GRB14: variants seen among roughly 807,000 people sequenced by gnomAD.
The protein encoded by GRB14 is growth factor receptor-bound protein 14.
A neutral mutation model predicts 69.1 loss-of-function variants in GRB14; 38 were observed. The observed-to-expected ratio is 0.55, with a 90% CI of 0.42 to 0.72. GRB14 has a LOEUF of 0.72. Among genes scored for constraint, GRB14 ranks in the 30% least tolerant of loss-of-function variants. GRB14 has a pLI of 0.00. For synonymous variants in GRB14, 247 were observed against 241.3 expected (o/e 1.02, Z -0.22); for missense variants, 666 against 666.1 (o/e 1.00, Z 0.00).
intron 2 of GRB14, among the ~76,000 whole-genome samples, chr2:164,567,282 G>C (rs939531192): frequency 6.6e-6 from 1 of 152,036 alleles, no homozygotes; most frequent in Non-Finnish European, 1.5e-5. Context: ...GTAAATAAAT[G>C]GTTGACTGGA....
chr2:164,500,777 G>A (rs570742410), intron 9 of GRB14, among the ~76,000 whole-genome samples: 3 of 152,058 alleles, frequency 2.0e-5, no homozygotes, highest in Admixed American at 6.6e-5. Flanking sequence ...CCTTTACCTG[G>A]CACTGAACAA....
chr2:164,502,893 G>A (rs1240486613), intron 8 of GRB14, among the ~76,000 whole-genome samples: 1 of 151,820 alleles, frequency 6.6e-6, no homozygotes, highest in African/African-American at 2.4e-5. Flanking sequence ...TCAAATTCCT[G>A]GAAACCAAAA....
At chr2:164,549,909 AAAATAAAAT>A (rs1688490686) in intron 2 of GRB14, among the ~76,000 whole-genome samples, 1 of 143,638 alleles carries the variant, frequency 7.0e-6, no homozygotes, top group Non-Finnish European at 1.5e-5. Flanking sequence ...AAAATAAAAT[AAAATAAAAT>A]AAAATAAAAT....
chr2:164,608,220 A>C (rs1009249877), intron 2 of GRB14, among the ~76,000 whole-genome samples: 55 of 152,048 alleles, frequency 3.6e-4, no homozygotes, highest in Non-Finnish European at 4.3e-4. Flanking sequence ...AAAAATGCAA[A>C]AATTAGCCAG....
At chr2:164,613,915 A>G (rs1305168853) in intron 2 of GRB14, among the ~76,000 whole-genome samples, 5 of 152,236 alleles carry the variant, frequency 3.3e-5, no homozygotes, top group African/African-American at 1.2e-4. Context: ...TGAAAATGGT[A>G]GAGATTAAGA....
At chr2:164,586,370 A>G (rs1198552318) in intron 2 of GRB14, among the ~76,000 whole-genome samples, 1 of 152,194 alleles carries the variant, frequency 6.6e-6, no homozygotes, top group Non-Finnish European at 1.5e-5. Flanking sequence ...TCCAGTTAAG[A>G]TTTTTAACAA....
chr2:164,595,920 T>A (rs1175842569), intron 2 of GRB14, among the ~76,000 whole-genome samples: 1 of 152,050 alleles, frequency 6.6e-6, no homozygotes, highest in Non-Finnish European at 1.5e-5. Flanking sequence ...GATCAGGAGA[T>A]CGAGACCATC....
chr2:164,545,415 AAG>A (rs1048543556), intron 3 of GRB14, among the ~76,000 whole-genome samples: 2 of 152,174 alleles, frequency 1.3e-5, no homozygotes, highest in Admixed American at 6.5e-5. Context: ...TTTTATAAGA[AAG>A]AGGGAGACTT....
intron 6 of GRB14, among the ~76,000 whole-genome samples, chr2:164,521,708 A>G (rs890604755): frequency 6.6e-6 from 1 of 152,100 alleles, no homozygotes; most frequent in Non-Finnish European, 1.5e-5. Flanking sequence ...AAGGATGAGG[A>G]GAAAGGAGTG....
At position 164,513,236 on chromosome 2, in the gene GRB14, CTT is replaced by C. The variant is rs975081215; in HGVS notation, c.817-4386_817-4385del. ...GTGACCAAACTAATCTCAAGATACTCTTTTGGTAATTTCACTCCCTTGTTCAA... is the reference window on the plus strand; with the variant it reads ...GTGACCAAACTAATCTCAAGATACTCTTGGTAATTTCACTCCCTTGTTCAA... On this transcript the variant is annotated intron_variant, in intron 6 of 13. Transcript: ENST00000263915. Among the ~76,000 whole-genome samples the C allele has an allele frequency of 2.4e-4, 36 of 152,156 alleles. 1 individual carries two copies. The highest frequency in any genetic ancestry group is 1.2e-3 in the East Asian group (6 of 5,192).
intron 2 of GRB14, among the ~76,000 whole-genome samples, chr2:164,618,394 T>C (rs376479267): frequency 3.3e-5 from 5 of 152,130 alleles, no homozygotes; most frequent in African/African-American, 9.7e-5. Flanking sequence ...GGCTGTTTTT[T>C]CCTTGGGATC....
intron 2 of GRB14, among the ~76,000 whole-genome samples, chr2:164,566,952 T>C (rs1269940143): frequency 6.6e-6 from 1 of 152,034 alleles, no homozygotes; most frequent in Non-Finnish European, 1.5e-5. Flanking sequence ...CATACCAACA[T>C]GTCATCAAAA....
At chr2:164,606,397 T>C (rs1690041175) in intron 2 of GRB14, among the ~76,000 whole-genome samples, 1 of 152,206 alleles carries the variant, frequency 6.6e-6, no homozygotes, top group African/African-American at 2.4e-5. Flanking sequence ...GTTTCAGATA[T>C]CATGGAACTT....
At chr2:164,578,738 C>G (rs1181844597) in intron 2 of GRB14, among the ~76,000 whole-genome samples, 1 of 152,120 alleles carries the variant, frequency 6.6e-6, no homozygotes, top group African/African-American at 2.4e-5. Flanking sequence ...TAGATGGGAA[C>G]AGATGTTACG....
chr2:164,586,400 G>C (rs775150111), intron 2 of GRB14, among the ~76,000 whole-genome samples: 23 of 152,236 alleles, frequency 1.5e-4, no homozygotes, highest in Middle Eastern at 3.4e-3. Flanking sequence ...CATGATGAGA[G>C]CTGTTCTTCT....
intron 3 of GRB14, among the ~76,000 whole-genome samples, chr2:164,530,455 T>C (rs1485194726): frequency 6.6e-6 from 1 of 151,822 alleles, no homozygotes; most frequent in African/African-American, 2.4e-5. Flanking sequence ...TAAACCATAA[T>C]AGTGGTGATA....
chr2:164,615,889 T>G (rs1332575864), intron 2 of GRB14, among the ~76,000 whole-genome samples: 1 of 152,196 alleles, frequency 6.6e-6, no homozygotes, highest in Non-Finnish European at 1.5e-5. Flanking sequence ...TCTAACTCTT[T>G]GCTTTCCTTC....
At chr2:164,611,386 T>G (rs1022256247) in intron 2 of GRB14, among the ~76,000 whole-genome samples, 1 of 152,054 alleles carries the variant, frequency 6.6e-6, no homozygotes. Context: ...GAGATGTATA[T>G]AGATTCAAGC....
intron 2 of GRB14, among the ~76,000 whole-genome samples, chr2:164,612,093 T>C (rs534187021): frequency 4.8e-4 from 73 of 152,342 alleles, no homozygotes; most frequent in Admixed American, 1.0e-3. Context: ...TGCTGATTCC[T>C]GTTCCAATAT....
Sources: allele counts gnomAD v4.1 joint callset (sites outside exome capture counted in the v4.1 genomes callset), GRCh38; gene constraint gnomAD v4.1.1; transcripts MANE v1.5; gene names NCBI Gene and HGNC (gene_info 2026-07-23, HGNC 2026-07-21).